AIG1: variants seen among roughly 807,000 people sequenced by gnomAD.
AIG1 encodes androgen-induced gene 1 protein.
Under a neutral mutation model 31.4 loss-of-function variants are expected in AIG1, and 23 were observed. The observed-to-expected ratio is 0.73, with a 90% confidence interval of 0.53 to 1.04. AIG1 has a LOEUF of 1.04. AIG1 is among the 50% of genes least tolerant of loss of function. The probability of loss-of-function intolerance (pLI) is 0.00; values close to 1 mark genes in which losing one functional copy is unlikely to be tolerated. For missense variants in AIG1, 274 were observed against 295.0 expected, an observed-to-expected ratio of 0.93 and a Z score of 0.52; for synonymous variants, 100 against 110.5, an observed-to-expected ratio of 0.90 and a Z score of 0.60.
intron 1 of AIG1, among the ~76,000 whole-genome samples, chr6:143,103,026 A>G (rs918469811): frequency 7.2e-5 from 11 of 152,242 alleles, no homozygotes; most frequent in Non-Finnish European, 1.2e-4. Flanking sequence ...CTGTTCTTCC[A>G]GAAAGTACCA....
chr6:143,176,296 C>T (rs868470921), intron 3 of AIG1, among the ~76,000 whole-genome samples: 1 of 152,046 alleles, frequency 6.6e-6, no homozygotes, highest in Non-Finnish European at 1.5e-5. Context: ...CAGGAGGTGG[C>T]GCTATGAAGA....
chr6:143,234,211 GT>G (rs1793653189), intron 3 of AIG1, among the ~76,000 whole-genome samples: 1 of 152,178 alleles, frequency 6.6e-6, no homozygotes. Flanking sequence ...TTTTCCCACT[GT>G]TAAGTAAAAC....
chr6:143,104,485 G>T (rs571808504), intron 1 of AIG1, among the ~76,000 whole-genome samples: 21 of 152,322 alleles, frequency 1.4e-4, no homozygotes, highest in African/African-American at 5.1e-4. Flanking sequence ...TGGGCATTTT[G>T]TAGTTCCAAA....
At chr6:143,077,862 A>G (rs1041574802) in intron 1 of AIG1, among the ~76,000 whole-genome samples, 7 of 152,160 alleles carry the variant, frequency 4.6e-5, no homozygotes, top group African/African-American at 1.4e-4. Context: ...TGAAGCCGCC[A>G]CTTAATATTA....
At chr6:143,208,319 C>T (rs1791289133) in intron 3 of AIG1, among the ~76,000 whole-genome samples, 2 of 152,108 alleles carry the variant, frequency 1.3e-5, no homozygotes, top group East Asian at 3.8e-4. Flanking sequence ...AACTCTGTAG[C>T]CATTGGGTAG....
intron 4 of AIG1, among the ~76,000 whole-genome samples, chr6:143,307,555 T>C (rs1799420914): frequency 1.3e-5 from 2 of 152,304 alleles, no homozygotes; most frequent in Admixed American, 1.3e-4. Context: ...ATCGTTCCTC[T>C]GGAAGTTTTA....
intron 3 of AIG1, among the ~76,000 whole-genome samples, chr6:143,172,266 A>G (rs745932531): frequency 3.9e-5 from 6 of 152,200 alleles, no homozygotes; most frequent in African/African-American, 7.2e-5. Flanking sequence ...GCCTAAGCCA[A>G]TGTCTAGAAG....
intron 3 of AIG1, among the ~76,000 whole-genome samples, chr6:143,179,867 A>G (rs967719192): frequency 3.9e-5 from 6 of 152,260 alleles, no homozygotes; most frequent in African/African-American, 1.4e-4. Flanking sequence ...GAGCTGGCTC[A>G]ATATCTAAAA....
intron 3 of AIG1, among the ~76,000 whole-genome samples, chr6:143,273,306 T>C (rs1796668453): frequency 6.6e-6 from 1 of 152,216 alleles, no homozygotes; most frequent in African/African-American, 2.4e-5. Context: ...TTTTTCAAGC[T>C]TCCTTTTGTT....
At chr6:143,141,138 T>C in intron 2 of AIG1, among the ~76,000 whole-genome samples, 1 of 152,224 alleles carries the variant, frequency 6.6e-6, no homozygotes, top group East Asian at 1.9e-4. Context: ...ATGCATTACC[T>C]CTGTACAGCT....
Position 143,229,786 on chromosome 6 carries a change from A to AC in AIG1, c.400-54324_400-54323insC, listed in dbSNP as rs61677199. On this transcript the variant is annotated intron_variant, in intron 3 of 5. Coordinates refer to ENST00000357847, the MANE Select transcript of AIG1 (RefSeq NM_016108.4). ...CTCTCGTTTCTGGACTCTCAGAACA[A>AC]AAAAAAAAAAAAAAAAAAGGATCTT... 2.0e-3 allele frequency among the ~76,000 whole-genome samples: 265 copies of AC among 130,778 alleles called. 1 individual carries two copies. Among genetic ancestry groups the AC allele is most frequent in the African/African-American group, 5.0e-3 (141 of 28,018 alleles). 85.8% of individuals were successfully genotyped at this position (130,778 alleles called of 152,430 possible). A position where few individuals can be genotyped will look rare whatever the true frequency, so the allele number is the denominator to read the frequency against.
chr6:143,190,675 A>C, intron 3 of AIG1: 139 of 891,080 alleles, frequency 1.6e-4, no homozygotes, highest in Non-Finnish European at 1.7e-4. Context: ...GGACTTTCTC[A>C]ACCTGTATTC....
At chr6:143,250,292 A>G (rs893337032) in intron 3 of AIG1, among the ~76,000 whole-genome samples, 1 of 152,214 alleles carries the variant, frequency 6.6e-6, no homozygotes, top group Non-Finnish European at 1.5e-5. Context: ...GAAGAATTAC[A>G]TGATTTTTAC....
chr6:143,217,547 C>T (rs190346902), intron 3 of AIG1, among the ~76,000 whole-genome samples: 175 of 152,152 alleles, frequency 1.2e-3, no homozygotes, highest in Non-Finnish European at 1.9e-3. Flanking sequence ...CTCGCTCTGT[C>T]GCCCAGGCTG....
At chr6:143,126,810 T>A (rs1782722134) in intron 1 of AIG1, among the ~76,000 whole-genome samples, 1 of 152,208 alleles carries the variant, frequency 6.6e-6, no homozygotes, top group Non-Finnish European at 1.5e-5. Context: ...TATGACAAAC[T>A]ACTCTCTCTT....
intron 3 of AIG1, among the ~76,000 whole-genome samples, chr6:143,228,914 C>T (rs1291566234): frequency 6.6e-6 from 1 of 152,186 alleles, no homozygotes; most frequent in Non-Finnish European, 1.5e-5. Context: ...GCAAAGGTTG[C>T]TTTTGTGGCC....
intron 3 of AIG1, among the ~76,000 whole-genome samples, chr6:143,262,878 C>T (rs750626412): frequency 2.0e-5 from 3 of 152,028 alleles, no homozygotes; most frequent in Admixed American, 6.6e-5. Context: ...TTCTCAAATG[C>T]GTTGTTATTG....
chr6:143,136,052 T>A (rs1783708362), intron 1 of AIG1, among the ~76,000 whole-genome samples: 1 of 152,192 alleles, frequency 6.6e-6, no homozygotes, highest in Non-Finnish European at 1.5e-5. Flanking sequence ...AAATAAAACA[T>A]AGCTGATCTA....
chr6:143,116,141 G>T (rs1781717783), intron 1 of AIG1, among the ~76,000 whole-genome samples: 1 of 152,192 alleles, frequency 6.6e-6, no homozygotes, highest in South Asian at 2.1e-4. Context: ...CATTTGTGCT[G>T]TTCCCGTAAG....
Sources: gnomAD v4.1 joint callset for allele counts (sites outside exome capture counted in the v4.1 genomes callset) on GRCh38, gnomAD v4.1.1 for gene constraint, MANE v1.5 for transcripts, NCBI Gene and HGNC (gene_info 2026-07-23, HGNC 2026-07-21) for gene names.